The following LIMD1 variants were observed in gnomAD, a reference collection of about 807,000 sequenced individuals.
The protein encoded by LIMD1 is LIM domain containing 1, also known as LIM domain-containing protein 1.
In LIMD1, 23 loss-of-function variants were observed where a neutral mutation model predicts 58.4. The ratio of observed to expected loss-of-function variants is 0.39; its 90% CI spans 0.28 to 0.56. The LOEUF is 0.56. Among genes scored for constraint, LIMD1 ranks in the 20% least tolerant of loss-of-function variants. The pLI, the probability that LIMD1 is intolerant of heterozygous loss-of-function variation, is 0.57. For synonymous variants in LIMD1, 334 were observed against 345.5 expected (o/e 0.97, Z 0.37); for missense variants, 838 against 855.5 (o/e 0.98, Z 0.25).
intron 2 of LIMD1, among the ~76,000 whole-genome samples, chr3:45,663,868 A>ATTTTTTTTTTTT (rs553757543): frequency 1.8e-4 from 19 of 102,846 alleles, no homozygotes; most frequent in African/African-American, 6.0e-4. Flanking sequence ...TGCCTGGCTA[A>ATTTTTTTTTTTT]TTTTTTTTTT....
At chr3:45,638,692 G>A (rs1701812723) in intron 2 of LIMD1, among the ~76,000 whole-genome samples, 1 of 152,136 alleles carries the variant, frequency 6.6e-6, no homozygotes, top group Admixed American at 6.5e-5. Context: ...TCAAATGGTA[G>A]CTCTATTTTT....
chr3:45,663,028 C>T (rs746055668), intron 2 of LIMD1, among the ~76,000 whole-genome samples: 4 of 151,780 alleles, frequency 2.6e-5, no homozygotes, highest in Non-Finnish European at 5.9e-5. Context: ...TGTGTGTGTG[C>T]GCACTCTCAA....
At chr3:45,596,923 A>G (rs1179093190) in intron 1 of LIMD1, among the ~76,000 whole-genome samples, 50 of 148,216 alleles carry the variant, frequency 3.4e-4, no homozygotes, top group Admixed American at 3.4e-3. Flanking sequence ...GTGCAGTGGC[A>G]CAATCTCGGC....
Position 45,677,126 on chromosome 3 carries a change from G to GC in LIMD1, c.*71dup, listed in dbSNP as rs1697682770. 1.3e-6 allele frequency: 2 copies of GC among 1,572,924 alleles called. No individual in the cohort carries two copies. The highest frequency in any genetic ancestry group is 1.7e-6 in the Non-Finnish European group (2 of 1,156,038). On this transcript the variant is annotated 3_prime_UTR_variant, in exon 8 of 8. Coordinates refer to ENST00000273317, the MANE Select transcript of LIMD1 (RefSeq NM_014240.3). Reference sequence around the variant, plus strand: ...GGGGTTGCTGCTGCTGCTTCCGGTGGCCCCTGGGGTGGAAGTGGGGTAGGG... The same window carrying GC: ...GGGGTTGCTGCTGCTGCTTCCGGTGGCCCCCTGGGGTGGAAGTGGGGTAGGG...
intron 2 of LIMD1, among the ~76,000 whole-genome samples, chr3:45,643,529 T>C (rs1471091438): frequency 1.3e-5 from 2 of 151,518 alleles, no homozygotes; most frequent in East Asian, 3.9e-4. Context: ...GTAGGCAAGG[T>C]CCTGTGTGCT....
Position 45,594,939 on chromosome 3 carries a change from G to T in LIMD1, c.60G>T (p.Met20Ile), listed in dbSNP as rs1175776186. The T allele has an allele frequency of 6.2e-7, 1 of 1,613,552 alleles. No homozygotes were observed. The change falls in exon 1 of 8, where the codon ATG becomes ATT. Residue 20 changes from methionine to isoleucine, a missense_variant. This residue lies in a region of LIMD1 where 659 missense variants were observed against 639.8 expected (regional missense o/e 1.03). Coordinates refer to ENST00000273317, the MANE Select transcript of LIMD1 (RefSeq NM_014240.3). ...EASKFIEDLN[M>I]YEASKDGLFR... ...GTAAATTCATCGAGGACCTGAACATGTATGAGGCCTCTAAGGATGGGCTCT... is the reference window on the plus strand; with the variant it reads ...GTAAATTCATCGAGGACCTGAACATTTATGAGGCCTCTAAGGATGGGCTCT...
intron 2 of LIMD1, among the ~76,000 whole-genome samples, chr3:45,660,590 A>G (rs1176219891): frequency 6.6e-6 from 1 of 151,846 alleles, no homozygotes; most frequent in Non-Finnish European, 1.5e-5. Flanking sequence ...TAATTTTTGT[A>G]TTTTTAGTGG....
chr3:45,643,073 C>T (rs1324169341), intron 2 of LIMD1, among the ~76,000 whole-genome samples: 1 of 152,174 alleles, frequency 6.6e-6, no homozygotes, highest in Non-Finnish European at 1.5e-5. Flanking sequence ...TGTCTACTTA[C>T]ATGTCAAGTG....
At chr3:45,674,809 A>G (rs982817803) in intron 7 of LIMD1, among the ~76,000 whole-genome samples, 6 of 152,046 alleles carry the variant, frequency 3.9e-5, no homozygotes, top group Non-Finnish European at 8.8e-5. Context: ...CTCCTTTCTC[A>G]GCTGAGCCCT....
At position 45,596,352 on chromosome 3, in the gene LIMD1, G is replaced by A. The variant is rs1383137166; in HGVS notation, c.1408+65G>A. On this transcript the variant is annotated intron_variant, in intron 1 of 7. Transcript: ENST00000273317. Reference sequence around the variant, plus strand: ...TGGGGTTCTTGAGATTGGGGAACATGCCCCCTACCAGGGATGCTGTGGGCT... The same window carrying A: ...TGGGGTTCTTGAGATTGGGGAACATACCCCCTACCAGGGATGCTGTGGGCT... 3 of 1,301,056 alleles carry A rather than the reference G, an allele frequency of 2.3e-6. No homozygotes were observed. The African/African-American group carries it at 4.4e-5, about 19-fold the overall frequency. The allele number at this position is 1,301,056 out of a possible 1,614,324, so 80.6% of individuals were successfully genotyped here.
At chr3:45,640,058 GCTGT>G (rs1175261840) in intron 2 of LIMD1, among the ~76,000 whole-genome samples, 2 of 152,256 alleles carry the variant, frequency 1.3e-5, no homozygotes, top group African/African-American at 2.4e-5. Context: ...TGCTAGAGTG[GCTGT>G]CTATTTCTTA....
intron 5 of LIMD1, 85 bp from the exon 6 acceptor site, chr3:45,673,369 G>T: frequency 1.9e-6 from 2 of 1,027,096 alleles, no homozygotes; most frequent in South Asian, 1.3e-5. Flanking sequence ...ATGGAGGAAG[G>T]CTCCATGTGG....
At position 45,595,406 on chromosome 3, in the gene LIMD1, A is replaced by G. The variant is rs1220668309; in HGVS notation, c.527A>G (p.His176Arg). The change falls in exon 1 of 8, where the codon CAT becomes CGT. Residue 176 changes from histidine to arginine, a missense_variant. Transcript: ENST00000273317. ...GPCEDPSCLT[H>R]GDYYDNLSLA... Reference sequence around the variant, plus strand: ...TGTGAGGATCCTTCCTGCCTCACTCATGGAGACTATTATGACAACCTCTCC... The same window carrying G: ...TGTGAGGATCCTTCCTGCCTCACTCGTGGAGACTATTATGACAACCTCTCC... 11 of 1,613,988 alleles carry G rather than the reference A, an allele frequency of 6.8e-6. No homozygotes were observed. The highest frequency in any genetic ancestry group is 1.6e-4 in the Middle Eastern group (1 of 6,062).
intron 1 of LIMD1, among the ~76,000 whole-genome samples, chr3:45,596,892 C>T (rs1215506522): frequency 3.5e-5 from 5 of 144,520 alleles, no homozygotes; most frequent in African/African-American, 1.3e-4. Flanking sequence ...GATGGAGTCT[C>T]GTTCTGTAGC....
chr3:45,622,491 G>T (rs1179779861), intron 1 of LIMD1, among the ~76,000 whole-genome samples: 2 of 151,934 alleles, frequency 1.3e-5, no homozygotes, highest in African/African-American at 4.8e-5. Context: ...TTATAAAATA[G>T]AACAATTATA....
intron 1 of LIMD1, among the ~76,000 whole-genome samples, chr3:45,597,672 C>A (rs1475380437): frequency 6.6e-6 from 1 of 152,200 alleles, no homozygotes; most frequent in Non-Finnish European, 1.5e-5. Flanking sequence ...TTCCCCATAG[C>A]CTGAGTCCTG....
chr3:45,646,247 G>A (rs902067367), intron 2 of LIMD1, among the ~76,000 whole-genome samples: 1 of 152,220 alleles, frequency 6.6e-6, no homozygotes, highest in Non-Finnish European at 1.5e-5. Context: ...GTATACACTT[G>A]CCACCATATC....
intron 2 of LIMD1, among the ~76,000 whole-genome samples, chr3:45,653,923 A>AAAG (rs1701999255): frequency 1.4e-5 from 2 of 142,722 alleles, no homozygotes; most frequent in African/African-American, 5.5e-5. Context: ...AAAAAAAAAA[A>AAAG]AAAGAAAAAG....
chr3:45,608,860 A>G (rs1701494240), intron 1 of LIMD1, among the ~76,000 whole-genome samples: 1 of 148,022 alleles, frequency 6.8e-6, no homozygotes, highest in East Asian at 2.0e-4. Context: ...AAAAAAAAAG[A>G]AGGAGAATGA....
Sources: gnomAD v4.1 joint callset for allele counts (sites outside exome capture counted in the v4.1 genomes callset) on GRCh38, gnomAD v4.1.1 for gene constraint, gnomAD v4.1.1 regional missense constraint, MANE v1.5 for transcripts, NCBI Gene and HGNC (gene_info 2026-07-23, HGNC 2026-07-21) for gene names.